The following DPP10 variants were observed in gnomAD, a reference collection of about 807,000 sequenced individuals.
DPP10 encodes dipeptidyl peptidase like 10.
A neutral mutation model predicts 120.9 loss-of-function variants in DPP10; 33 were observed. The observed-to-expected ratio is 0.27, with a 90% CI of 0.21 to 0.37. The LOEUF is 0.37. DPP10 is among the 10% of genes least tolerant of loss of function. The pLI is 1.00. For synonymous variants in DPP10, 337 were observed against 326.1 expected, an observed-to-expected ratio of 1.03 and a Z score of -0.36; for missense variants, 816 against 942.8, an observed-to-expected ratio of 0.87 and a Z score of 1.76.
chr2:115,706,444 T>C (rs1348679913), intron 7 of DPP10, among the ~76,000 whole-genome samples: 1 of 151,936 alleles, frequency 6.6e-6, no homozygotes, highest in Non-Finnish European at 1.5e-5. Flanking sequence ...AATCATGGGA[T>C]TGTAGATTTT....
chr2:114,811,217 G>C (rs1685144373), intron 1 of DPP10, among the ~76,000 whole-genome samples: 1 of 152,188 alleles, frequency 6.6e-6, no homozygotes, highest in South Asian at 2.1e-4. Context: ...GACTGGAGTA[G>C]GGACAGGGGA....
At chr2:115,804,230 T>A (rs867876545) in intron 19 of DPP10, among the ~76,000 whole-genome samples, 1 of 152,250 alleles carries the variant, frequency 6.6e-6, no homozygotes, top group Non-Finnish European at 1.5e-5. Context: ...CATCGGTTAC[T>A]GAGGCTTGTG....
At chr2:114,763,295 C>T (rs2106111103) in intron 1 of DPP10, among the ~76,000 whole-genome samples, 1 of 152,252 alleles carries the variant, frequency 6.6e-6, no homozygotes, top group South Asian at 2.1e-4. Context: ...GGATTTCATC[C>T]TGAGAGTGAA....
At chr2:115,828,781 T>C (rs1403242964) in intron 21 of DPP10, among the ~76,000 whole-genome samples, 1 of 152,190 alleles carries the variant, frequency 6.6e-6, no homozygotes, top group Non-Finnish European at 1.5e-5. Context: ...TCATTTCTGC[T>C]GCTTCATCAC....
chr2:115,713,620 C>A (rs897018813), intron 7 of DPP10, among the ~76,000 whole-genome samples: 1 of 152,140 alleles, frequency 6.6e-6, no homozygotes, highest in African/African-American at 2.4e-5. Flanking sequence ...AATGCTATTA[C>A]AAAGCATCAT....
chr2:115,186,513 G>C (rs1439247662), intron 1 of DPP10, among the ~76,000 whole-genome samples: 1 of 152,130 alleles, frequency 6.6e-6, no homozygotes, highest in Non-Finnish European at 1.5e-5. Flanking sequence ...TAGTAGTGGA[G>C]GTGAGTCAAA....
At chr2:115,279,436 C>T (rs2060050288) in intron 1 of DPP10, among the ~76,000 whole-genome samples, 1 of 151,972 alleles carries the variant, frequency 6.6e-6, no homozygotes, top group African/African-American at 2.4e-5. Context: ...GGGGCAGGTC[C>T]ATGAACTGCT....
intron 1 of DPP10, among the ~76,000 whole-genome samples, chr2:114,528,719 C>T (rs1289030588): frequency 6.6e-6 from 1 of 151,380 alleles, no homozygotes; most frequent in Non-Finnish European, 1.5e-5. Context: ...ACTCACATCT[C>T]AACATCACCA....
chr2:115,505,863 G>A (rs1207781469), intron 4 of DPP10, among the ~76,000 whole-genome samples: 1 of 152,018 alleles, frequency 6.6e-6, no homozygotes, highest in Non-Finnish European at 1.5e-5. Context: ...GATGGGTATG[G>A]GAGCTGATGA....
chr2:114,540,417 T>G (rs968587765), intron 1 of DPP10, among the ~76,000 whole-genome samples: 6 of 152,162 alleles, frequency 3.9e-5, no homozygotes, highest in Non-Finnish European at 7.4e-5. Flanking sequence ...GTGGTATAAT[T>G]AAAAAGGTTG....
chr2:115,660,628 T>G (rs1429596627), intron 5 of DPP10, among the ~76,000 whole-genome samples: 3 of 148,002 alleles, frequency 2.0e-5, no homozygotes, highest in Non-Finnish European at 4.5e-5. Flanking sequence ...TCTTGTCTCA[T>G]TCCTTCCTTT....
At chr2:114,789,850 C>T (rs903499840) in intron 1 of DPP10, among the ~76,000 whole-genome samples, 2 of 152,138 alleles carry the variant, frequency 1.3e-5, no homozygotes, top group Non-Finnish European at 1.5e-5. Flanking sequence ...AGAATAAATT[C>T]CAGTGAGTCG....
At chr2:114,843,083 G>A (rs1391450188) in intron 1 of DPP10, among the ~76,000 whole-genome samples, 4 of 152,098 alleles carry the variant, frequency 2.6e-5, no homozygotes, top group African/African-American at 4.8e-5. Flanking sequence ...AAACTAAAAC[G>A]TGTTTGAGAC....
intron 1 of DPP10, among the ~76,000 whole-genome samples, chr2:115,074,784 A>G (rs1445700357): frequency 6.6e-6 from 1 of 152,210 alleles, no homozygotes; most frequent in African/African-American, 2.4e-5. Context: ...TTTGCATATC[A>G]TGGGGATTTC....
rs1355263478 is a variant in DPP10 at position 114,837,650 on chromosome 2, A to G, written c.60+394812A>G. On this transcript the variant is annotated intron_variant, in intron 1 of 25. Transcript: ENST00000410059. The stretch of plus-strand genomic sequence containing the variant: ...GGGAGCAGCTAAGTGGCTCTGAACT[A>G]GTCAGATTAGGCTCATCTATGCTGT... 2.0e-5 allele frequency among the ~76,000 whole-genome samples: 3 copies of G among 152,208 alleles called. No individual in the cohort carries two copies. The East Asian group carries it at 5.8e-4, about 29-fold the overall frequency.
intron 1 of DPP10, among the ~76,000 whole-genome samples, chr2:114,690,879 A>C (rs1699695461): frequency 1.3e-5 from 2 of 151,932 alleles, no homozygotes; most frequent in Non-Finnish European, 2.9e-5. Flanking sequence ...GCCTGTTGTC[A>C]GTGCATAGGA....
intron 1 of DPP10, among the ~76,000 whole-genome samples, chr2:115,289,485 C>CAAAAAAAAAAAAAAAAAAAA (rs71394125): frequency 2.6e-5 from 1 of 38,910 alleles, no homozygotes; most frequent in Admixed American, 2.8e-4. Context: ...CATAAGAAAC[C>CAAAAAAAAAAAAAAAAAAAA]AAAAAAAAAA....
At chr2:115,742,321 A>G (rs1399591757) in intron 9 of DPP10, among the ~76,000 whole-genome samples, 5 of 152,162 alleles carry the variant, frequency 3.3e-5, no homozygotes, top group Non-Finnish European at 1.5e-5. Flanking sequence ...AAGTTAACAT[A>G]TACATATGGA....
intron 1 of DPP10, among the ~76,000 whole-genome samples, chr2:114,973,661 C>A (rs867940322): frequency 3.1e-4 from 22 of 70,990 alleles, no homozygotes; most frequent in South Asian, 1.3e-3. Context: ...GACTCCGTCT[C>A]AAAAAAAAAA....
Sources: allele counts gnomAD v4.1 joint callset (sites outside exome capture counted in the v4.1 genomes callset), GRCh38; gene constraint gnomAD v4.1.1; transcripts MANE v1.5; gene names NCBI Gene and HGNC (gene_info 2026-07-23, HGNC 2026-07-21).